Variants in ZC4H2 observed in about 807,000 individuals in gnomAD.
ZC4H2 encodes the protein zinc finger C4H2-type containing.
For synonymous variants in ZC4H2, 84 were observed against 66.3 expected (o/e 1.27, Z -1.30); for missense variants, 137 against 173.9 (o/e 0.79, Z 1.19).
intron 1 of ZC4H2, among the ~76,000 whole-genome samples, chrX:64,981,516 A>G (rs1222111900): frequency 9.0e-6 from 1 of 110,933 alleles, no homozygotes; most frequent in East Asian, 2.8e-4. Flanking sequence ...ATGGAGAGGT[A>G]CGGAGGGCGA....
intron 1 of ZC4H2, among the ~76,000 whole-genome samples, chrX:65,032,551 A>G (rs906108378): frequency 9.0e-6 from 1 of 111,653 alleles, no homozygotes; most frequent in Non-Finnish European, 1.9e-5. Context: ...GGTCTTCCAC[A>G]TTGGTTCCAG....
chrX:64,921,686 T>C lies in ZC4H2; in HGVS notation c.225+131A>G, dbSNP rs182113714. On this transcript the variant is annotated intron_variant, in intron 2 of 4. Coordinates refer to ENST00000374839, the MANE Select transcript of ZC4H2 (RefSeq NM_018684.4). ...GGATCTCAGAACTCCTGAATTCTTC[T>C]GCTCTACCACAGCCTGCACTGATGC... 50 of 698,397 alleles carry C rather than the reference T, an allele frequency of 7.2e-5. No individual in the cohort carries two copies. In the East Asian group the frequency reaches 1.7e-3, roughly 24 times the overall value. The allele number at this position is 698,397 out of a possible 1,213,427, so 57.6% of individuals were successfully genotyped here. A position where few individuals can be genotyped will look rare whatever the true frequency, so the allele number is the denominator to read the frequency against.
In ZC4H2 at chrX:64,941,620, C is replaced by T. The variant is rs150333714; in HGVS notation, c.54-19632G>A. Among the ~76,000 whole-genome samples the T allele has an allele frequency of 7.4e-4, 83 of 112,026 alleles. 2 individuals carry two copies. The East Asian group carries it at 0.02, about 27-fold the overall frequency. ...AGCATGAAGAGGTGTTGAATTTTAT[C>T]GAATGTCTTTTCTGCATCTATTGAA... is the stretch of plus-strand genomic sequence containing the variant. On this transcript the variant is annotated intron_variant, in intron 1 of 4. Transcript: ENST00000374839.
At chrX:64,934,956 C>T (rs1390172259) in intron 1 of ZC4H2, among the ~76,000 whole-genome samples, 1 of 109,336 alleles carries the variant, frequency 9.1e-6, no homozygotes, top group Non-Finnish European at 1.9e-5. Flanking sequence ...TTCCCCCATA[C>T]CTTAAGGGCC....
At chrX:64,920,372 G>T in intron 2 of ZC4H2, 119 bp from the exon 3 acceptor site, 1 of 731,161 alleles carries the variant, frequency 1.4e-6, no homozygotes, top group Non-Finnish European at 2.0e-6. Context: ...TCAAGTCCTT[G>T]ATCTCCCATG....
chrX:64,919,874 C>T (rs1929105654), intron 3 of ZC4H2: 2 of 362,750 alleles, frequency 5.5e-6, no homozygotes, highest in African/African-American at 2.6e-5. Flanking sequence ...TTTAATAATC[C>T]TCCTTCTGTT....
intron 1 of ZC4H2, among the ~76,000 whole-genome samples, chrX:64,965,949 CAAA>C (rs148777993): frequency 8.0e-5 from 3 of 37,582 alleles, no homozygotes; most frequent in Admixed American, 3.9e-4. Context: ...AACAAAGAAG[CAAA>C]AAAAAAAAAA....
At position 64,917,666 on chromosome X, in the gene ZC4H2, CACATT is replaced by C; in HGVS notation, c.*112_*116del. ...AGTGAGAGAGGGGTTGTGCTTCCAT[CACATT>C]AAATAGGAGACTTCGTGGGGTTGGG... On this transcript the variant is annotated 3_prime_UTR_variant, in exon 5 of 5. Transcript: ENST00000374839. The C allele has an allele frequency of 9.8e-7, 1 of 1,024,995 alleles. No individual in the cohort carries two copies. Among genetic ancestry groups the C allele is most frequent in the Non-Finnish European group, 1.3e-6 (1 of 765,352 alleles). The allele number at this position is 1,024,995 out of a possible 1,213,427, so 84.5% of individuals were successfully genotyped here.
rs1332327018 is a variant in ZC4H2 at position 64,916,220 on chromosome X, C to T, written c.*1563G>A. The T allele has an allele frequency of 9.0e-6, 1 of 110,933 alleles. No individual in the cohort carries two copies. Among genetic ancestry groups the T allele is most frequent in the Non-Finnish European group, 1.9e-5 (1 of 53,041 alleles). 9.1% of individuals were successfully genotyped at this position (110,933 alleles called of 1,213,427 possible). On this transcript the variant is annotated 3_prime_UTR_variant, in exon 5 of 5. Coordinates refer to ENST00000374839, the MANE Select transcript of ZC4H2 (RefSeq NM_018684.4). ...TGTAAGGTATTTTGGAAGTCAAATA[C>T]AATCATTTATATTAAGCAACTTGCA... is the stretch of plus-strand genomic sequence containing the variant.
intron 1 of ZC4H2, among the ~76,000 whole-genome samples, chrX:64,960,985 T>G (rs1413961538): frequency 9.0e-6 from 1 of 111,605 alleles, no homozygotes; most frequent in Non-Finnish European, 1.9e-5. Context: ...TAGTGTTTCT[T>G]AAGCCTGCTG....
At chrX:64,963,434 G>A (rs1931475206) in intron 1 of ZC4H2, among the ~76,000 whole-genome samples, 2 of 111,526 alleles carry the variant, frequency 1.8e-5, no homozygotes, top group African/African-American at 6.5e-5. Context: ...GACCAAGTAG[G>A]ATCACATCAA....
At chrX:64,951,724 C>T (rs1313435242) in intron 1 of ZC4H2, among the ~76,000 whole-genome samples, 5 of 110,580 alleles carry the variant, frequency 4.5e-5, no homozygotes, top group East Asian at 2.8e-4. Context: ...GAGTAGGTTG[C>T]AAAAATTTTC....
chrX:65,004,974 A>T (rs750173118), intron 1 of ZC4H2, among the ~76,000 whole-genome samples: 109 of 111,896 alleles, frequency 9.7e-4, no homozygotes, highest in Non-Finnish European at 1.8e-3. Context: ...GTGAACTCCC[A>T]TTCACAATTG....
At chrX:64,931,878 G>C (rs1270270796) in intron 1 of ZC4H2, among the ~76,000 whole-genome samples, 2 of 111,626 alleles carry the variant, frequency 1.8e-5, no homozygotes, top group Non-Finnish European at 3.8e-5. Flanking sequence ...GTTTGTTCTA[G>C]GGTATAGTTT....
At chrX:64,969,028 G>A (rs762389248) in intron 1 of ZC4H2, among the ~76,000 whole-genome samples, 1 of 111,522 alleles carries the variant, frequency 9.0e-6, no homozygotes, top group Non-Finnish European at 1.9e-5. Context: ...CTCATTCCAA[G>A]TCATTTTCTA....
chrX:64,950,295 G>A (rs1056319927), intron 1 of ZC4H2, among the ~76,000 whole-genome samples: 20 of 111,700 alleles, frequency 1.8e-4, no homozygotes, highest in East Asian at 1.1e-3. Context: ...GAATAAGTGC[G>A]GTGTGGTGCT....
At chrX:64,952,839 A>G (rs773916829) in intron 1 of ZC4H2, among the ~76,000 whole-genome samples, 2 of 111,455 alleles carry the variant, frequency 1.8e-5, no homozygotes, top group Non-Finnish European at 3.8e-5. Context: ...TTCATATGGA[A>G]CCAAAAAAGA....
intron 1 of ZC4H2, among the ~76,000 whole-genome samples, chrX:64,924,952 T>C (rs1186545882): frequency 1.8e-5 from 2 of 111,299 alleles, no homozygotes. Flanking sequence ...TATCTGATCA[T>C]CTCACTTCAC....
intron 1 of ZC4H2, among the ~76,000 whole-genome samples, chrX:64,990,049 A>T (rs1213804601): frequency 8.9e-6 from 1 of 112,143 alleles, no homozygotes; most frequent in East Asian, 2.8e-4. Flanking sequence ...CCCAGAAAAA[A>T]GTGAAAATTT....
Sources: gnomAD v4.1 joint callset for allele counts (sites outside exome capture counted in the v4.1 genomes callset) on GRCh38, gnomAD v4.1.1 for gene constraint, MANE v1.5 for transcripts, NCBI Gene and HGNC (gene_info 2026-07-23, HGNC 2026-07-21) for gene names.